PTPRN2: variants seen among roughly 807,000 people sequenced by gnomAD.
PTPRN2 encodes receptor-type tyrosine-protein phosphatase N2.
Under a neutral mutation model 118.8 loss-of-function variants are expected in PTPRN2, and 74 were observed. The observed-to-expected ratio is 0.62, with a 90% CI of 0.52 to 0.76. PTPRN2 has a LOEUF of 0.76. Ranked by LOEUF, PTPRN2 falls within the 30% of genes least tolerant of loss-of-function variation. PTPRN2 has a pLI of 0.00. For missense variants in PTPRN2, 1,481 were observed against 1,394.4 expected, an observed-to-expected ratio of 1.06 and a Z score of -0.99; for synonymous variants, 641 against 608.0, an observed-to-expected ratio of 1.05 and a Z score of -0.80.
In PTPRN2 at chr7:157,578,131, C is replaced by T. The variant is rs1800156209; in HGVS notation, c.2506G>A (p.Glu836Lys). ...TVADFWQMVWESGCVVIVMLT... is the reference protein window; with the variant it reads ...TVADFWQMVWKSGCVVIVMLT... ...ATGACGATCACCACGCAGCCGCTCTCCCACACCATCTGCGGACAAAGAAGG... is the reference window on the plus strand; with the variant it reads ...ATGACGATCACCACGCAGCCGCTCTTCCACACCATCTGCGGACAAAGAAGG... Residue 836 changes from glutamate (E) to lysine (K), a missense_variant, in exon 18 of 23, where the codon GAG becomes AAG. This residue lies in a region of PTPRN2 where 362 missense variants were observed against 384.1 expected (regional missense o/e 0.94). Coordinates refer to ENST00000389418, the MANE Select transcript of PTPRN2 (RefSeq NM_002847.5). The T allele has an allele frequency of 8.1e-6, 13 of 1,609,378 alleles. No individual in the cohort carries two copies. The highest frequency in any genetic ancestry group is 1.1e-5 in the Non-Finnish European group (13 of 1,177,178).
chr7:158,329,375 C>T (rs1257020176), intron 2 of PTPRN2, among the ~76,000 whole-genome samples: 36 of 152,232 alleles, frequency 2.4e-4, no homozygotes, highest in Admixed American at 2.4e-3. Flanking sequence ...CCACCCCAAG[C>T]CCATGAGGCT....
chr7:158,492,871 G>A (rs887724959), intron 1 of PTPRN2, among the ~76,000 whole-genome samples: 26 of 152,218 alleles, frequency 1.7e-4, no homozygotes, highest in African/African-American at 3.6e-4. Flanking sequence ...CTCCACACCC[G>A]CCATGTGGCG....
At position 158,110,910 on chromosome 7, in the gene PTPRN2, A is replaced by G; in HGVS notation, c.1562T>C (p.Leu521Pro). The change falls in exon 10 of 23, where the codon CTG becomes CCG. Residue 521 changes from leucine (L) to proline (P), a missense_variant. Physicochemically the swap from Leu to Pro is moderately conservative, Grantham distance 98. Transcript: ENST00000389418. The stretch of plus-strand genomic sequence containing the variant: ...CAGCCGCCTTCCTTCCTCGGGGCGC[A>G]GGGGGCTGCGGATGACAGCAGGGAT... ...RGYIVTDRDP[L>P]RPEEGRRLVE... is the part of the protein sequence containing the mutation. 2 of 1,561,948 alleles carry G rather than the reference A, an allele frequency of 1.3e-6. No individual in the cohort carries two copies. The highest frequency in any genetic ancestry group is 1.7e-6 in the Non-Finnish European group (2 of 1,154,664).
At chr7:158,485,133 C>T (rs1476534422) in intron 2 of PTPRN2, among the ~76,000 whole-genome samples, 1 of 152,102 alleles carries the variant, frequency 6.6e-6, no homozygotes, top group African/African-American at 2.4e-5. Context: ...GTCGTCACAG[C>T]ATAATTCAGC....
At chr7:158,097,673 G>A (rs982016853) in intron 10 of PTPRN2, among the ~76,000 whole-genome samples, 6 of 152,256 alleles carry the variant, frequency 3.9e-5, no homozygotes, top group Non-Finnish European at 7.3e-5. Flanking sequence ...ATCGATCACC[G>A]CCGCCGCAGA....
chr7:157,861,126 A>G lies in PTPRN2; in HGVS notation c.1788+37547T>C, dbSNP rs772765179. 5.3e-5 allele frequency among the ~76,000 whole-genome samples: 8 copies of G among 152,182 alleles called. No homozygotes were observed. Among genetic ancestry groups the G allele is most frequent in the Non-Finnish European group, 7.4e-5 (5 of 68,024 alleles). Reference sequence around the variant, plus strand: ...GGGACCCCAGCACGGGCGCTTTGGGATGTCGGCAGAGGCACGCATGCCTCC... The same window carrying G: ...GGGACCCCAGCACGGGCGCTTTGGGGTGTCGGCAGAGGCACGCATGCCTCC... On this transcript the variant is annotated intron_variant, in intron 12 of 22. Transcript: ENST00000389418. This position sits in a 1 kb window ranked among gnomAD's most constrained non-coding sequence, Gnocchi z 5.8.
chr7:158,164,829 G>A, intron 6 of PTPRN2, among the ~76,000 whole-genome samples: 1 of 152,200 alleles, frequency 6.6e-6, no homozygotes, highest in Admixed American at 6.5e-5. Context: ...GGCAGCCGGT[G>A]CCGGGGAGGG....
chr7:157,557,287 GCACA>G (rs762618577), intron 21 of PTPRN2, among the ~76,000 whole-genome samples: 3 of 149,600 alleles, frequency 2.0e-5, no homozygotes, highest in Non-Finnish European at 3.0e-5. Context: ...CATCACATGT[GCACA>G]CAAACACCCA....
intron 2 of PTPRN2, among the ~76,000 whole-genome samples, chr7:158,449,572 G>A (rs963625976): frequency 2.6e-5 from 4 of 151,676 alleles, no homozygotes; most frequent in African/African-American, 4.9e-5. Context: ...CACATAGCGC[G>A]GGCCGAGACC....
intron 5 of PTPRN2, among the ~76,000 whole-genome samples, chr7:158,185,402 C>T (rs573030674): frequency 6.6e-6 from 1 of 152,268 alleles, no homozygotes; most frequent in African/African-American, 2.4e-5. Context: ...CTTCTCTATC[C>T]TTACTGATAC....
rs140284456 is a variant in PTPRN2 at position 157,598,713 on chromosome 7, C to A, written c.2419-3398G>T. Among the ~76,000 whole-genome samples, 1 of 152,244 alleles carries A rather than the reference C, an allele frequency of 6.6e-6. No homozygotes were observed. Among genetic ancestry groups the A allele is most frequent in the African/African-American group, 2.4e-5 (1 of 41,470 alleles). On this transcript the variant is annotated intron_variant, in intron 16 of 22. Coordinates refer to ENST00000389418, the MANE Select transcript of PTPRN2 (RefSeq NM_002847.5). The surrounding 1 kb of genome is among the most constrained non-coding windows in gnomAD (Gnocchi z 5.2). ...ATTAGGTGAACGCCAAGCTGTCAGG[C>A]GGTCTGCGGCCCGTGAACACGCGTC...
At position 157,780,506 on chromosome 7, in the gene PTPRN2, C is replaced by T. The variant is rs1035226167; in HGVS notation, c.1789-97569G>A. Among the ~76,000 whole-genome samples, 1 of 152,302 alleles carries T rather than the reference C, an allele frequency of 6.6e-6. No homozygotes were observed. Among genetic ancestry groups the T allele is most frequent in the Admixed American group, 6.5e-5 (1 of 15,310 alleles). On this transcript the variant is annotated intron_variant, in intron 12 of 22. Coordinates refer to ENST00000389418, the MANE Select transcript of PTPRN2 (RefSeq NM_002847.5). This position sits in a 1 kb window ranked among gnomAD's most constrained non-coding sequence, Gnocchi z 4.5. ...ACTGAAGTTCGCTTGTCCCCACAGG[C>T]AGCTCGACATGGTGCAGACCGTGGC...
intron 2 of PTPRN2, among the ~76,000 whole-genome samples, chr7:158,366,385 C>A (rs1586476402): frequency 4.2e-5 from 2 of 47,630 alleles, no homozygotes; most frequent in South Asian, 9.3e-4. Context: ...AACGCACACA[C>A]ACCCACACAC....
intron 10 of PTPRN2, among the ~76,000 whole-genome samples, chr7:158,092,169 C>CAG (rs1347550322): frequency 6.7e-6 from 1 of 148,484 alleles, no homozygotes; most frequent in African/African-American, 2.5e-5. Flanking sequence ...AATGGGAGGG[C>CAG]AGAGATATAT....
chr7:157,795,168 G>T (rs1454781725), intron 12 of PTPRN2, among the ~76,000 whole-genome samples: 21 of 127,492 alleles, frequency 1.6e-4, no homozygotes, highest in African/African-American at 8.3e-4. Context: ...GGTCGGGGGC[G>T]GGGGGGGCTC....
At chr7:158,376,353 G>A (rs1026315982) in intron 2 of PTPRN2, among the ~76,000 whole-genome samples, 3 of 149,164 alleles carry the variant, frequency 2.0e-5, no homozygotes, top group Admixed American at 6.7e-5. Context: ...TGGGGTTAGG[G>A]GACTCTCCCA....
Position 158,171,320 on chromosome 7 carries a change from T to TACATAC in PTPRN2, c.550-4030_550-4029insGTATGT, listed in dbSNP as rs1563555784. ...ATATATATACACACATATATATATATATATATATATATATATATATATATA... is the reference window on the plus strand; with the variant it reads ...ATATATATACACACATATATATATATACATACATATATATATATATATATATATATA... On this transcript the variant is annotated intron_variant, in intron 5 of 22. Transcript: ENST00000389418. 9.6e-4 allele frequency among the ~76,000 whole-genome samples: 90 copies of TACATAC among 93,510 alleles called. 11 individuals carry two copies. Among genetic ancestry groups the TACATAC allele is most frequent in the African/African-American group, 3.9e-3 (80 of 20,628 alleles). The allele number at this position is 93,510 out of a possible 152,430, so 61.3% of individuals were successfully genotyped here.
At chr7:157,802,169 C>G (rs59233184) in intron 12 of PTPRN2, among the ~76,000 whole-genome samples, 17,641 of 152,252 alleles carry the variant, frequency 0.12, 1,231 homozygotes, top group South Asian at 0.22. Flanking sequence ...CTCAACCGTA[C>G]GGCAGATGTC....
At chr7:158,151,047 C>G (rs1169102289) in intron 6 of PTPRN2, among the ~76,000 whole-genome samples, 1 of 145,346 alleles carries the variant, frequency 6.9e-6, no homozygotes, top group African/African-American at 2.6e-5. Context: ...CCTGCCCCTG[C>G]CTGCCCACAC....
Sources: allele counts gnomAD v4.1 joint callset (sites outside exome capture counted in the v4.1 genomes callset), GRCh38; gene constraint gnomAD v4.1.1; regional missense constraint gnomAD v4.1.1; non-coding constraint Gnocchi (gnomAD v3.1); transcripts MANE v1.5; gene names NCBI Gene and HGNC (gene_info 2026-07-23, HGNC 2026-07-21).